Variants in RALGAPA1 observed in about 807,000 individuals in gnomAD.
RALGAPA1 encodes the protein ral GTPase-activating protein subunit alpha-1.
A neutral mutation model predicts 269.6 loss-of-function variants in RALGAPA1; 52 were observed. That is an observed-to-expected ratio of 0.19 (90% CI 0.15 to 0.24). RALGAPA1 has a LOEUF of 0.24. Among genes scored for constraint, RALGAPA1 ranks in the 10% least tolerant of loss-of-function variants. RALGAPA1 has a pLI of 1.00. For missense variants in RALGAPA1, 1,917 were observed against 3,013.9 expected (o/e 0.64, Z 8.52); for synonymous variants, 817 against 1,008.3 (o/e 0.81, Z 3.60).
chr14:35,605,141 T>C (rs2059519450), intron 36 of RALGAPA1, among the ~76,000 whole-genome samples: 1 of 152,146 alleles, frequency 6.6e-6, no homozygotes, highest in South Asian at 2.1e-4. Context: ...AGCAGTATGC[T>C]TTTCTTTTAC....
intron 39 of RALGAPA1, among the ~76,000 whole-genome samples, chr14:35,562,694 T>C (rs1337430984): frequency 6.6e-6 from 1 of 151,960 alleles, no homozygotes; most frequent in Non-Finnish European, 1.5e-5. Flanking sequence ...AACTATAAGT[T>C]ACTACAAAAA....
At chr14:35,619,960 C>T (rs1392602358) in intron 35 of RALGAPA1, among the ~76,000 whole-genome samples, 1 of 152,192 alleles carries the variant, frequency 6.6e-6, no homozygotes, top group African/African-American at 2.4e-5. Context: ...AGAGCTGGTA[C>T]CATTCCTTCT....
At chr14:35,750,891 T>C (rs1334138414) in intron 8 of RALGAPA1, among the ~76,000 whole-genome samples, 1 of 152,210 alleles carries the variant, frequency 6.6e-6, no homozygotes, top group African/African-American at 2.4e-5. Flanking sequence ...CAGGATGATA[T>C]GTGGAAACAT....
chr14:35,765,147 T>TA (rs1398558559), intron 4 of RALGAPA1, among the ~76,000 whole-genome samples: 5 of 152,288 alleles, frequency 3.3e-5, no homozygotes, highest in African/African-American at 4.8e-5. Flanking sequence ...TACATAAGCT[T>TA]AGGTCTTTGG....
intron 14 of RALGAPA1, among the ~76,000 whole-genome samples, chr14:35,724,481 T>A (rs543158000): frequency 1.2e-4 from 18 of 152,172 alleles, no homozygotes; most frequent in African/African-American, 4.3e-4. Context: ...CACTCTATCC[T>A]CAGATTTAAA....
intron 35 of RALGAPA1, among the ~76,000 whole-genome samples, 159 bp from the exon 36 acceptor site, chr14:35,605,868 A>G (rs1216818191): frequency 6.6e-6 from 1 of 152,214 alleles, no homozygotes; most frequent in African/African-American, 2.4e-5. Context: ...TGTAAGTAAA[A>G]AATTACTACA....
chr14:35,629,512 T>TTTA (rs1330252242), intron 33 of RALGAPA1, among the ~76,000 whole-genome samples: 4 of 152,116 alleles, frequency 2.6e-5, no homozygotes, highest in Non-Finnish European at 4.4e-5. Flanking sequence ...TTATTTATTT[T>TTTA]TTTATTTTTG....
chr14:35,758,379 G>A (rs2073390650), intron 6 of RALGAPA1, among the ~76,000 whole-genome samples: 2 of 151,592 alleles, frequency 1.3e-5, no homozygotes, highest in African/African-American at 2.4e-5. Context: ...TTTATTTTGT[G>A]AAGCTATAAA....
chr14:35,566,304 T>C (rs976340108), intron 39 of RALGAPA1, among the ~76,000 whole-genome samples: 1 of 152,154 alleles, frequency 6.6e-6, no homozygotes, highest in Non-Finnish European at 1.5e-5. Context: ...TTGGGTAGCA[T>C]ATGACAATCA....
rs538214943 is a variant in RALGAPA1, at chr14:35,586,514, C to A, written c.7209+9120G>T. On this transcript the variant is annotated intron_variant, in intron 37 of 41. Coordinates refer to ENST00000680220, the MANE Select transcript of RALGAPA1 (RefSeq NM_001346249.2). ...GAACAGGAGTGGTGAGAGAGGGCATCCTTGTCTTGTACCAGTTTTCAAAGG... is the reference window on the plus strand; with the variant it reads ...GAACAGGAGTGGTGAGAGAGGGCATACTTGTCTTGTACCAGTTTTCAAAGG... 9.8e-4 allele frequency among the ~76,000 whole-genome samples: 149 copies of A among 152,278 alleles called. 1 individual carries two copies. The highest frequency in any genetic ancestry group is 3.2e-4 in the Non-Finnish European group (22 of 68,020).
chr14:35,638,347 G>T (rs939612394), intron 31 of RALGAPA1, among the ~76,000 whole-genome samples: 19 of 152,108 alleles, frequency 1.2e-4, no homozygotes, highest in Non-Finnish European at 2.5e-4. Flanking sequence ...ATGTAGAGTT[G>T]TTATTAATTT....
At chr14:35,706,228 A>C (rs1360025083) in intron 16 of RALGAPA1, among the ~76,000 whole-genome samples, 2 of 152,200 alleles carry the variant, frequency 1.3e-5, no homozygotes, top group Non-Finnish European at 2.9e-5. Context: ...AAGGTGTCCT[A>C]GACTTTCTCC....
rs762075557 is a variant in RALGAPA1 at position 35,689,879 on chromosome 14, G to A, written c.2532C>T (p.Ser844=). The A allele has an allele frequency of 6.2e-7, 1 of 1,604,658 alleles. No individual in the cohort carries two copies. Among genetic ancestry groups the A allele is most frequent in the East Asian group, 2.3e-5 (1 of 44,002 alleles). The part of the protein sequence containing the change: ...NEEQPLPRSS[S]TSDILEPFTV... ...TGAATGGTTCCAAGATGTCAGAAGT[G>A]CTGCTACTTCGAGGCAATGGCTGCT... is the stretch of plus-strand genomic sequence containing the variant. The change falls in exon 18 of 42, where the codon AGC becomes AGT. Residue 844 remains serine (S), a synonymous_variant. Transcript: ENST00000680220.
At chr14:35,769,035 A>AATATATATAT (rs200538547) in intron 4 of RALGAPA1, among the ~76,000 whole-genome samples, 4 of 58,306 alleles carry the variant, frequency 6.9e-5, no homozygotes, top group South Asian at 9.4e-4. Flanking sequence ...AAAAAAAAAA[A>AATATATATAT]ATATATATAT....
chr14:35,748,833 C>CAAAAA lies in RALGAPA1; in HGVS notation c.1012-14_1012-10dup. Reference sequence around the variant, plus strand: ...AAACTAGCAGCTGCTCTCTAAAATACAAAAAAAAAAAAAAAAGAGAGAAAC... The same window carrying CAAAAA: ...AAACTAGCAGCTGCTCTCTAAAATACAAAAAAAAAAAAAAAAAAAAAGAGAGAAAC... On this transcript the variant is annotated splice_polypyrimidine_tract_variant and intron_variant, in intron 9 of 41. Coordinates refer to ENST00000680220, the MANE Select transcript of RALGAPA1 (RefSeq NM_001346249.2). The CAAAAA allele has an allele frequency of 1.5e-6, 2 of 1,298,058 alleles. No homozygotes were observed. Among genetic ancestry groups the CAAAAA allele is most frequent in the African/African-American group, 1.8e-5 (1 of 55,522 alleles). The allele number at this position is 1,298,058 out of a possible 1,614,324, so 80.4% of individuals were successfully genotyped here. A position where few individuals can be genotyped will look rare whatever the true frequency, so the allele number is the denominator to read the frequency against.
intron 3 of RALGAPA1, 58 bp downstream of exon 3, chr14:35,774,948 T>C: frequency 5.9e-6 from 6 of 1,012,012 alleles, no homozygotes. Context: ...ATATATTCCT[T>C]TGTATGTTCC....
intron 35 of RALGAPA1, among the ~76,000 whole-genome samples, chr14:35,610,268 G>C (rs2059844864): frequency 6.6e-6 from 1 of 150,428 alleles, no homozygotes; most frequent in Non-Finnish European, 1.5e-5. Context: ...CAAATTCCTA[G>C]AAAGACACAA....
In RALGAPA1 at chr14:35,539,617, T is replaced by G; in HGVS notation, c.*97A>C. Reference sequence around the variant, plus strand: ...GGCTTTTGCTAGTTCGAGGAGACATTGGAGAGGCCAGGTCAGCCCCATCTA... The same window carrying G: ...GGCTTTTGCTAGTTCGAGGAGACATGGGAGAGGCCAGGTCAGCCCCATCTA... On this transcript the variant is annotated 3_prime_UTR_variant, in exon 42 of 42. Transcript: ENST00000680220. 6.2e-7 allele frequency: 1 copy of G among 1,614,110 alleles called. No homozygotes were observed. The highest frequency in any genetic ancestry group is 8.5e-7 in the Non-Finnish European group (1 of 1,180,014).
intron 37 of RALGAPA1, among the ~76,000 whole-genome samples, chr14:35,582,114 A>G (rs1202120064): frequency 6.6e-6 from 1 of 152,208 alleles, no homozygotes; most frequent in East Asian, 1.9e-4. Context: ...GCTAAGTAAA[A>G]CAGGCACAAA....
Sources: gnomAD v4.1 joint callset for allele counts (sites outside exome capture counted in the v4.1 genomes callset) on GRCh38, gnomAD v4.1.1 for gene constraint, MANE v1.5 for transcripts, NCBI Gene and HGNC (gene_info 2026-07-23, HGNC 2026-07-21) for gene names.